CCDC7: variants seen among roughly 807,000 people sequenced by gnomAD.
CCDC7 encodes the protein coiled-coil domain-containing protein 7.
A neutral mutation model predicts 196.9 loss-of-function variants in CCDC7; 183 were observed. That is an observed-to-expected ratio of 0.93 (90% CI 0.82 to 1.05). CCDC7 has a LOEUF of 1.05. Among genes scored for constraint, CCDC7 ranks in the 50% least tolerant of loss-of-function variants. The pLI is 0.00. For synonymous variants in CCDC7, 525 were observed against 484.6 expected (o/e 1.08, Z -1.10); for missense variants, 1,540 against 1,482.2 (o/e 1.04, Z -0.64).
chr10:32,454,736 C>T (rs2033926703), intron 2 of CCDC7, among the ~76,000 whole-genome samples: 2 of 152,266 alleles, frequency 1.3e-5, no homozygotes, highest in African/African-American at 4.8e-5. Flanking sequence ...TTCACATCAA[C>T]CACTAATGGA....
At chr10:32,726,923 G>A in intron 26 of CCDC7, 91 bp downstream of exon 27, 1 of 810,888 alleles carries the variant, frequency 1.2e-6, no homozygotes, top group Non-Finnish European at 1.9e-6. Context: ...GTGTATTTTA[G>A]CATGTATTTT....
chr10:32,843,301 A>T (rs945893492), intron 33 of CCDC7, among the ~76,000 whole-genome samples: 1 of 151,990 alleles, frequency 6.6e-6, no homozygotes, highest in African/African-American at 2.4e-5. Flanking sequence ...AATGTCTTTT[A>T]TATATAGTAG....
At chr10:32,842,234 G>A (rs573768439) in intron 33 of CCDC7, among the ~76,000 whole-genome samples, 1 of 151,208 alleles carries the variant, frequency 6.6e-6, no homozygotes, top group African/African-American at 2.4e-5. Context: ...AATCTACAAA[G>A]AACTCAAATC....
chr10:32,465,941 A>G (rs549126972), intron 5 of CCDC7, among the ~76,000 whole-genome samples: 1 of 152,192 alleles, frequency 6.6e-6, no homozygotes, highest in African/African-American at 2.4e-5. Flanking sequence ...ACTTCCATCT[A>G]TTCCTGATAT....
chr10:32,576,577 G>T (rs1276691792), intron 16 of CCDC7, among the ~76,000 whole-genome samples: 1 of 147,596 alleles, frequency 6.8e-6, no homozygotes, highest in African/African-American at 2.5e-5. Context: ...TTGAGATAGG[G>T]TATCACTTTG....
exon 32 of CCDC7, chr10:32,824,588 G>C (rs1191927504): frequency 6.2e-7 from 1 of 1,610,060 alleles, no homozygotes; most frequent in Non-Finnish European, 8.5e-7. Context: ...CGCAGTTAAA[G>C]AGAAAGAGTT....
chr10:32,615,973 G>A (rs1170525877), intron 18 of CCDC7, among the ~76,000 whole-genome samples: 1 of 151,940 alleles, frequency 6.6e-6, no homozygotes, highest in Non-Finnish European at 1.5e-5. Context: ...TCAAAAATCA[G>A]TTGATTGCAG....
chr10:32,480,962 T>C (rs1397978830), intron 8 of CCDC7, among the ~76,000 whole-genome samples: 1 of 152,132 alleles, frequency 6.6e-6, no homozygotes, highest in Non-Finnish European at 1.5e-5. Flanking sequence ...GCCTCTGCTA[T>C]TATTGTATTG....
chr10:32,758,597 C>G (rs2076885189), intron 28 of CCDC7, among the ~76,000 whole-genome samples: 1 of 152,078 alleles, frequency 6.6e-6, no homozygotes, highest in South Asian at 2.1e-4. Flanking sequence ...TGGGACATAT[C>G]TCAAAATAAT....
downstream of CCDC7, among the ~76,000 whole-genome samples, chr10:32,877,357 A>C (rs905295186): frequency 3.3e-5 from 5 of 152,098 alleles, no homozygotes; most frequent in African/African-American, 1.2e-4. Flanking sequence ...GAACTATATT[A>C]ATAACTCTGG....
In CCDC7 at chr10:32,483,078, C is replaced by A. The variant is rs547619041; in HGVS notation, c.797-8844C>A. On this transcript the variant is annotated intron_variant, in intron 8 of 41. Coordinates refer to ENST00000639629, the Ensembl canonical transcript of CCDC7. ...AGATCCTTGAGGAATCACCACACTG[C>A]CTTCCACAATGGTTGAACTAGTTTA... Among the ~76,000 whole-genome samples the A allele has an allele frequency of 1.4e-3, 216 of 152,218 alleles. 1 individual carries two copies. The highest frequency in any genetic ancestry group is 2.5e-3 in the Non-Finnish European group (169 of 68,020).
intron 18 of CCDC7, among the ~76,000 whole-genome samples, chr10:32,625,121 A>G (rs1010514050): frequency 2.0e-5 from 3 of 148,496 alleles, no homozygotes; most frequent in African/African-American, 7.4e-5. Flanking sequence ...CTTTTCCCCT[A>G]TGTTTCCTTC....
chr10:32,574,635 AATTT>A (rs2057984944), intron 16 of CCDC7: 1 of 490,262 alleles, frequency 2.0e-6, no homozygotes, highest in East Asian at 5.5e-5. Flanking sequence ...AGATTTTAAT[AATTT>A]ATTGTTTCAC....
At chr10:32,610,280 A>G (rs904413845) in intron 18 of CCDC7, among the ~76,000 whole-genome samples, 9 of 151,822 alleles carry the variant, frequency 5.9e-5, no homozygotes, top group Non-Finnish European at 1.2e-4. Flanking sequence ...AATTTTTTGT[A>G]TTTTTAGTAG....
chr10:32,555,249 A>AT (rs35124238), intron 13 of CCDC7, among the ~76,000 whole-genome samples: 5,659 of 142,910 alleles, frequency 0.04, 144 homozygotes, highest in African/African-American at 0.07. Context: ...TCTATTTTTA[A>AT]TTTTTTTTTT....
intron 28 of CCDC7, among the ~76,000 whole-genome samples, chr10:32,733,353 T>G (rs556863664): frequency 1.8e-4 from 27 of 152,222 alleles, no homozygotes; most frequent in African/African-American, 6.0e-4. Context: ...TAAATTTGTT[T>G]ATTTAATGGA....
At chr10:32,616,803 T>C (rs1304613078) in intron 18 of CCDC7, among the ~76,000 whole-genome samples, 1 of 151,904 alleles carries the variant, frequency 6.6e-6, no homozygotes, top group Admixed American at 6.6e-5. Flanking sequence ...ATTTGTCATA[T>C]ATTACCTGTT....
At chr10:32,821,346 A>C (rs999617810) in intron 31 of CCDC7, among the ~76,000 whole-genome samples, 2 of 152,014 alleles carry the variant, frequency 1.3e-5, no homozygotes, top group African/African-American at 2.4e-5. Flanking sequence ...AAATAGGAAC[A>C]CTTTTACACT....
intron 13 of CCDC7, among the ~76,000 whole-genome samples, chr10:32,559,016 T>A (rs1042448626): frequency 4.6e-5 from 7 of 152,122 alleles, no homozygotes; most frequent in African/African-American, 1.7e-4. Context: ...GGAGATTATA[T>A]CCCGCACATG....
Sources: gnomAD v4.1 joint callset for allele counts (sites outside exome capture counted in the v4.1 genomes callset) on GRCh38, gnomAD v4.1.1 for gene constraint, MANE v1.5 for transcripts, NCBI Gene and HGNC (gene_info 2026-07-23, HGNC 2026-07-21) for gene names.